The following ENPP1 variants were observed in gnomAD, a reference collection of about 807,000 sequenced individuals.
The protein encoded by ENPP1 is ectonucleotide pyrophosphatase/phosphodiesterase family member 1.
In ENPP1, 73 loss-of-function variants were observed where a neutral mutation model predicts 122.8. That is an observed-to-expected ratio of 0.59 (90% confidence interval 0.49 to 0.72). The LOEUF is 0.72. ENPP1 is among the 30% of genes least tolerant of loss of function. ENPP1 has a pLI of 0.00. For synonymous variants in ENPP1, 367 were observed against 391.6 expected (o/e 0.94, Z 0.74); for missense variants, 978 against 1,128.1 (o/e 0.87, Z 1.91).
chr6:131,868,365 A>G (rs961329507), intron 12 of ENPP1, among the ~76,000 whole-genome samples: 6 of 152,244 alleles, frequency 3.9e-5, no homozygotes, highest in Admixed American at 3.9e-4. Context: ...TAAAAAATAT[A>G]TATTTTCAAC....
intron 14 of ENPP1, among the ~76,000 whole-genome samples, chr6:131,872,311 A>T (rs1436039591): frequency 6.6e-6 from 1 of 152,204 alleles, no homozygotes; most frequent in African/African-American, 2.4e-5. Context: ...GTCTATTGGC[A>T]TTATAAAATT....
At chr6:131,811,107 C>T (rs1281380518) in intron 1 of ENPP1, among the ~76,000 whole-genome samples, 7 of 151,998 alleles carry the variant, frequency 4.6e-5, no homozygotes, top group Non-Finnish European at 1.0e-4. Context: ...GATGTGTTGA[C>T]TTGGAGATGT....
At chr6:131,840,990 A>T (rs1562516668) in intron 1 of ENPP1, among the ~76,000 whole-genome samples, 1 of 152,138 alleles carries the variant, frequency 6.6e-6, no homozygotes, top group Non-Finnish European at 1.5e-5. Context: ...GTGACTAGTT[A>T]TGTAAAGGGC....
chr6:131,849,893 T>C (rs1024581293), intron 2 of ENPP1, 97 bp from the exon 3 acceptor site: 3 of 902,158 alleles, frequency 3.3e-6, no homozygotes, highest in Non-Finnish European at 5.6e-6. Flanking sequence ...AAGTAGTATT[T>C]GAACCTAGTG....
intron 1 of ENPP1, among the ~76,000 whole-genome samples, chr6:131,818,660 AAT>A (rs1491421812): frequency 3.3e-5 from 5 of 151,938 alleles, no homozygotes; most frequent in African/African-American, 9.7e-5. Context: ...AAAAAAAAAA[AAT>A]GTCCTTGATG....
In ENPP1 at chr6:131,884,886, G is replaced by A; in HGVS notation, c.2312-45G>A. 4 of 1,607,554 alleles carry A rather than the reference G, an allele frequency of 2.5e-6. No homozygotes were observed. The South Asian group carries it at 3.3e-5, about 13-fold the overall frequency. ...TTAATTTATTTCACACGTCAACATG[G>A]TCCCTTGTTCTTTTGAAACTACACT... On this transcript the variant is annotated intron_variant, in intron 22 of 24. Coordinates refer to ENST00000647893, the MANE Select transcript of ENPP1 (RefSeq NM_006208.3).
At position 131,861,626 on chromosome 6, in the gene ENPP1, A is replaced by G; in HGVS notation, c.947A>G (p.Lys316Arg). 6.2e-7 allele frequency: 1 copy of G among 1,613,832 alleles called. No individual in the cohort carries two copies. The highest frequency in any genetic ancestry group is 8.5e-7 in the Non-Finnish European group (1 of 1,179,720). Residue 316 changes from lysine to arginine, a missense_variant, in exon 9 of 25, where the codon AAG becomes AGG. Physicochemically the swap from Lys to Arg is conservative, Grantham distance 26 (BLOSUM62 2). This residue lies in a region of ENPP1 where 644 missense variants were observed against 781.5 expected (regional missense o/e 0.82). Coordinates refer to ENST00000647893, the MANE Select transcript of ENPP1 (RefSeq NM_006208.3). ...GTCACAGCTAAGTATCAAGGCCTCA[A>G]GTCTGGCACATTTTTCTGGCCAGGA... ...IWVTAKYQGL[K>R]SGTFFWPGSD...
intron 18 of ENPP1, chr6:131,877,866 A>AAAATAT (rs1562183349): frequency 3.6e-4 from 19 of 53,016 alleles, no homozygotes; most frequent in Non-Finnish European, 4.2e-4. Flanking sequence ...AAAAAAAAAA[A>AAAATAT]ATATATATAT....
intron 20 of ENPP1, among the ~76,000 whole-genome samples, chr6:131,881,167 G>A (rs1782300362): frequency 6.6e-6 from 1 of 152,168 alleles, no homozygotes; most frequent in African/African-American, 2.4e-5. Context: ...TTACTAATCA[G>A]TGAGACAACC....
intron 1 of ENPP1, among the ~76,000 whole-genome samples, chr6:131,811,402 A>G (rs1349622933): frequency 1.4e-5 from 2 of 147,266 alleles, no homozygotes; most frequent in African/African-American, 5.1e-5. Flanking sequence ...ATCTATATCT[A>G]TATCTATATC....
intron 18 of ENPP1, 44 bp from the exon 19 acceptor site, chr6:131,878,498 A>C (rs1185593391): frequency 8.1e-7 from 1 of 1,237,260 alleles, no homozygotes; most frequent in Non-Finnish European, 1.2e-6. Flanking sequence ...AAAATTTAAA[A>C]CATGTCTCTC....
At chr6:131,890,192 G>T (rs895442418) in intron 24 of ENPP1, 149 bp from the exon 25 acceptor site, 41 of 698,176 alleles carry the variant, frequency 5.9e-5, no homozygotes, top group Non-Finnish European at 4.7e-5. Context: ...AGCTACTCAA[G>T]AGGAGAGATG....
chr6:131,850,113 A>G lies in ENPP1; in HGVS notation c.430+7A>G. 1.3e-6 allele frequency: 2 copies of G among 1,562,966 alleles called. No homozygotes were observed. Among genetic ancestry groups the G allele is most frequent in the Non-Finnish European group, 1.8e-6 (2 of 1,133,280 alleles). ...GAGACGTGCATAGAACCAGGTAAGG[A>G]TGAGCAGGGAAAAAAGTGGAGTTAT... On this transcript the variant is annotated splice_region_variant and intron_variant, in intron 3 of 24. Transcript: ENST00000647893.
chr6:131,884,781 A>AAAAAC (rs1227529860), intron 22 of ENPP1, 150 bp from the exon 23 acceptor site: 1 of 952,538 alleles, frequency 1.0e-6, no homozygotes, highest in African/African-American at 1.6e-5. Flanking sequence ...TCTCTAAACA[A>AAAAAC]AAAACAAAAC....
chr6:131,855,186 T>C (rs1205248704), intron 6 of ENPP1, among the ~76,000 whole-genome samples, 163 bp downstream of exon 6: 1 of 152,208 alleles, frequency 6.6e-6, no homozygotes, highest in Non-Finnish European at 1.5e-5. Context: ...TTTAATAGTG[T>C]GATTACTCTG....
chr6:131,839,438 A>T (rs374025243), intron 1 of ENPP1, among the ~76,000 whole-genome samples: 9 of 152,122 alleles, frequency 5.9e-5, no homozygotes, highest in African/African-American at 1.9e-4. Context: ...GTATTCAGGC[A>T]GAATTTGTTT....
Position 131,858,759 on chromosome 6 carries a change from A to C in ENPP1, c.795+12A>C. The C allele has an allele frequency of 6.4e-7, 1 of 1,569,970 alleles. No homozygotes were observed. On this transcript the variant is annotated intron_variant, in intron 7 of 24. Transcript: ENST00000647893. ...ACAGCATTGTCACCGTAAGCTCTGC[A>C]TTTCAACTTCTATCTGTTTGAAGAA...
intron 1 of ENPP1, among the ~76,000 whole-genome samples, chr6:131,821,684 C>T (rs1781485740): frequency 6.6e-6 from 1 of 152,172 alleles, no homozygotes; most frequent in Non-Finnish European, 1.5e-5. Flanking sequence ...TTTGCTGTTA[C>T]CTGATAACAT....
At chr6:131,823,890 A>G (rs996796432) in intron 1 of ENPP1, among the ~76,000 whole-genome samples, 1 of 151,646 alleles carries the variant, frequency 6.6e-6, no homozygotes, top group Non-Finnish European at 1.5e-5. Flanking sequence ...GGATAATAGT[A>G]GTAGTACCTC....
Sources: allele counts gnomAD v4.1 joint callset (sites outside exome capture counted in the v4.1 genomes callset), GRCh38; gene constraint gnomAD v4.1.1; regional missense constraint gnomAD v4.1.1; transcripts MANE v1.5; gene names NCBI Gene and HGNC (gene_info 2026-07-23, HGNC 2026-07-21).